Variants in LOC400499 observed in about 807,000 individuals in gnomAD.
At chr16:11,427,314 C>T in the LOC400499 span, among the ~76,000 whole-genome samples, 1 of 136,024 alleles carries the variant, frequency 7.4e-6, no homozygotes, top group African/African-American at 2.9e-5. Flanking sequence ...CGCCATTGCA[C>T]TCCAGCCTGG....
the LOC400499 span, chr16:11,446,662 A>G: frequency 1.3e-6 from 2 of 1,535,124 alleles, no homozygotes. Flanking sequence ...ACATACATGT[A>G]CACACGCATG....
At chr16:11,428,240 T>TC in the LOC400499 span, among the ~76,000 whole-genome samples, 1 of 151,882 alleles carries the variant, frequency 6.6e-6, no homozygotes. Flanking sequence ...CGTGGCGTAA[T>TC]CTCTCACTGC....
chr16:11,396,254 T>G, the LOC400499 span: 1 of 333,662 alleles, frequency 3.0e-6, no homozygotes, highest in Non-Finnish European at 5.4e-6. Flanking sequence ...TGCCTCTCTG[T>G]TATAGGAAGG....
chr16:11,521,340 G>A, the LOC400499 span, among the ~76,000 whole-genome samples: 7 of 152,136 alleles, frequency 4.6e-5, no homozygotes, highest in Non-Finnish European at 7.4e-5. Context: ...ATGAGACAGA[G>A]GCAAATGAGC....
the LOC400499 span, chr16:11,494,550 T>C: frequency 4.0e-6 from 1 of 248,648 alleles, no homozygotes. Context: ...CTGAAGCCGG[T>C]ACTCAGGACA....
At chr16:11,392,018 G>A in the LOC400499 span, 1 of 408,440 alleles carries the variant, frequency 2.4e-6, no homozygotes, top group Non-Finnish European at 4.3e-6. Context: ...ACCAATTGCT[G>A]GAACCTTCTC....
At chr16:11,422,476 G>A in the LOC400499 span, among the ~76,000 whole-genome samples, 1 of 152,170 alleles carries the variant, frequency 6.6e-6, no homozygotes, top group Non-Finnish European at 1.5e-5. Context: ...ACGAAGCAAA[G>A]GAAAAGAAAG....
the LOC400499 span, chr16:11,500,965 G>A: frequency 2.5e-6 from 1 of 399,056 alleles, no homozygotes; most frequent in Non-Finnish European, 4.4e-6. Context: ...TCCAACAGTG[G>A]CTGCCTGAGA....
chr16:11,390,206 G>C, the LOC400499 span: 3 of 1,232,512 alleles, frequency 2.4e-6, no homozygotes, highest in Non-Finnish European at 3.0e-6. Flanking sequence ...GGGCGGCCTG[G>C]AGAGGGAGGG....
chr16:11,408,451 A>ATTTTT, the LOC400499 span, among the ~76,000 whole-genome samples: 5 of 131,180 alleles, frequency 3.8e-5, no homozygotes, highest in African/African-American at 5.8e-5. Context: ...TCAGTGCAGG[A>ATTTTT]TTTTTTTTTT....
chr16:11,462,056 G>C, the LOC400499 span: 3 of 1,363,446 alleles, frequency 2.2e-6, no homozygotes, highest in African/African-American at 4.4e-5. Context: ...GGAGGCACTT[G>C]GGCCACCACA....
At chr16:11,457,901 G>C in the LOC400499 span, among the ~76,000 whole-genome samples, 1 of 151,972 alleles carries the variant, frequency 6.6e-6, no homozygotes, top group African/African-American at 2.4e-5. Flanking sequence ...AGTAAAATAA[G>C]CCAGTCAAAA....
chr16:11,396,594 C>G, the LOC400499 span: 1 of 1,232,166 alleles, frequency 8.1e-7, no homozygotes, highest in Non-Finnish European at 1.0e-6. Flanking sequence ...TGGTCTGGGT[C>G]TGGTGCAAGG....
chr16:11,394,603 T>G, the LOC400499 span, among the ~76,000 whole-genome samples: 1 of 152,210 alleles, frequency 6.6e-6, no homozygotes, highest in Non-Finnish European at 1.5e-5. Context: ...GTGGTGTTAT[T>G]CGGAAATAGG....
the LOC400499 span, among the ~76,000 whole-genome samples, chr16:11,504,307 G>A: frequency 6.6e-6 from 1 of 152,202 alleles, no homozygotes. Flanking sequence ...TGTAATCCCA[G>A]CACTTTGGGA....
At chr16:11,383,842 A>T in the LOC400499 span, 2 of 1,232,174 alleles carry the variant, frequency 1.6e-6, no homozygotes, top group Middle Eastern at 3.1e-4. Context: ...AAGCTTGATG[A>T]GACAAAGGGC....
At chr16:11,396,544 C>T in the LOC400499 span, 4 of 1,232,196 alleles carry the variant, frequency 3.2e-6, no homozygotes, top group South Asian at 4.1e-5. Context: ...CTGAACGAGG[C>T]CTGCTGTGGT....
the LOC400499 span, among the ~76,000 whole-genome samples, chr16:11,428,552 G>C: frequency 5.9e-5 from 9 of 152,252 alleles, no homozygotes; most frequent in South Asian, 1.9e-3. Context: ...GGCGCTGGTG[G>C]GAATGTAGTA....
chr16:11,444,989 T>G, the LOC400499 span, among the ~76,000 whole-genome samples: 5 of 151,636 alleles, frequency 3.3e-5, no homozygotes, highest in Non-Finnish European at 1.5e-5. Context: ...CTTGGTAGGC[T>G]GAGGTGGGAG....
Sources: gnomAD v4.1 joint callset for allele counts (sites outside exome capture counted in the v4.1 genomes callset) on GRCh38, gnomAD v4.1.1 for gene constraint, MANE v1.5 for transcripts.